LIMK1: variants seen among roughly 807,000 people sequenced by gnomAD.
The protein encoded by LIMK1 is LIM domain kinase 1.
In LIMK1, 21 loss-of-function variants were observed where a neutral mutation model predicts 77.6. That is an observed-to-expected ratio of 0.27 (90% CI 0.19 to 0.39). The LOEUF (loss-of-function observed/expected upper bound fraction) is 0.39, where lower values mean the gene tolerates loss of function less well. Among genes scored for constraint, LIMK1 ranks in the 10% least tolerant of loss-of-function variants. The pLI is 1.00. For synonymous variants in LIMK1, 358 were observed against 370.0 expected (o/e 0.97, Z 0.37); for missense variants, 696 against 901.6 (o/e 0.77, Z 2.92).
intron 2 of LIMK1, among the ~76,000 whole-genome samples, chr7:74,095,128 G>C (rs1415914122): frequency 1.3e-5 from 2 of 152,118 alleles, no homozygotes; most frequent in African/African-American, 2.4e-5. Context: ...CAGGCCCCAG[G>C]CTGTGGAGAG....
At chr7:74,093,059 TC>T (rs1799268200) in intron 2 of LIMK1, 3 of 1,287,204 alleles carry the variant, frequency 2.3e-6, no homozygotes, top group Non-Finnish European at 3.1e-6. Context: ...TTCAGCCACT[TC>T]CTGTTGCAGG....
intron 2 of LIMK1, among the ~76,000 whole-genome samples, chr7:74,091,075 G>A (rs573076835): frequency 3.3e-5 from 5 of 151,530 alleles, no homozygotes; most frequent in African/African-American, 4.8e-5. Flanking sequence ...CACCACACCC[G>A]GCTAATTTTT....
intron 5 of LIMK1, among the ~76,000 whole-genome samples, chr7:74,103,200 T>C (rs1311455932): frequency 6.6e-6 from 1 of 151,980 alleles, no homozygotes; most frequent in African/African-American, 2.4e-5. Flanking sequence ...CTTCATGATC[T>C]TGACATTTTT....
intron 12 of LIMK1, 88 bp downstream of exon 12, chr7:74,112,086 G>A (rs1799711349): frequency 1.9e-6 from 2 of 1,067,300 alleles, no homozygotes; most frequent in African/African-American, 1.6e-5. Flanking sequence ...AGAACTGGAG[G>A]CCCCTCCATG....
rs965643252 is a variant in LIMK1, at chr7:74,099,100, C to T, written c.470C>T (p.Ser157Phe). The change falls in exon 5 of 16, where the codon TCC becomes TTC. Residue 157 changes from serine to phenylalanine, a missense_variant. Transcript: ENST00000336180. ...IEQILPDSPG[S>F]HLPHTVTLVS... ...CAGATCCTGCCTGACTCCCCTGGCT[C>T]CCACCTGCCCCACACCGTCACCCTG... The T allele has an allele frequency of 1.9e-6, 3 of 1,613,632 alleles. No individual in the cohort carries two copies. The highest frequency in any genetic ancestry group is 1.7e-5 in the Admixed American group (1 of 60,006).
chr7:74,099,813 G>A (rs1035136580), intron 5 of LIMK1, among the ~76,000 whole-genome samples: 2 of 151,774 alleles, frequency 1.3e-5, no homozygotes, highest in East Asian at 3.9e-4. Flanking sequence ...GAAAGAGGAG[G>A]AACCAAGTCA....
intron 12 of LIMK1, chr7:74,115,487 T>G (rs1584130882): frequency 6.6e-6 from 2 of 304,582 alleles, no homozygotes; most frequent in Non-Finnish European, 6.1e-6. Context: ...CCCCCGCAGG[T>G]GGGAGGGAGC....
At chr7:74,109,122 A>C in intron 10 of LIMK1, 86 bp downstream of exon 10, 1 of 1,080,268 alleles carries the variant, frequency 9.3e-7, no homozygotes. Flanking sequence ...CATCTCTTCA[A>C]TGGGGGGAAG....
chr7:74,116,867 AATTTTTTT>A (rs1353600342), intron 13 of LIMK1, among the ~76,000 whole-genome samples: 1 of 151,334 alleles, frequency 6.6e-6, no homozygotes, highest in Non-Finnish European at 1.5e-5. Context: ...ACACCCAGCT[AATTTTTTT>A]ATTTTTTATT....
At chr7:74,113,345 G>T (rs1418251327) in intron 12 of LIMK1, among the ~76,000 whole-genome samples, 1 of 151,888 alleles carries the variant, frequency 6.6e-6, no homozygotes. Flanking sequence ...ACAAAACAAG[G>T]TCAGGCACTG....
chr7:74,114,551 CAAA>C (rs547931306), intron 12 of LIMK1, among the ~76,000 whole-genome samples: 5 of 67,216 alleles, frequency 7.4e-5, no homozygotes, highest in Admixed American at 1.7e-4. Flanking sequence ...GACTCTGCCT[CAAA>C]AAAAAAAAAA....
rs577887738 is a variant in LIMK1, at chr7:74,120,446, A to G, written c.1568-137A>G. On this transcript the variant is annotated intron_variant, in intron 13 of 15. Coordinates refer to ENST00000336180, the MANE Select transcript of LIMK1 (RefSeq NM_002314.4). Reference sequence around the variant, plus strand: ...GGAAAGAGCCTAAGCCTGGGTTCCCATAGAGGTTGCCGGCATCTGCCTCCT... The same window carrying G: ...GGAAAGAGCCTAAGCCTGGGTTCCCGTAGAGGTTGCCGGCATCTGCCTCCT... 27 of 846,688 alleles carry G rather than the reference A, an allele frequency of 3.2e-5. 1 individual carries two copies. The highest frequency in any genetic ancestry group is 2.5e-4 in the African/African-American group (15 of 60,314). The allele number at this position is 846,688 out of a possible 1,614,324, so 52.4% of individuals were successfully genotyped here.
At chr7:74,096,493 C>A in intron 2 of LIMK1, 129 bp from the exon 3 acceptor site, 1 of 1,234,294 alleles carries the variant, frequency 8.1e-7, no homozygotes, top group Non-Finnish European at 1.1e-6. Context: ...GAGCAAGACT[C>A]CGTCTCAAAA....
chr7:74,116,633 G>A (rs1364536520), intron 13 of LIMK1, among the ~76,000 whole-genome samples: 1 of 151,570 alleles, frequency 6.6e-6, no homozygotes, highest in Non-Finnish European at 1.5e-5. Context: ...AGGGCTGGCT[G>A]CAAAGCATCT....
At chr7:74,090,125 A>G (rs1554694579) in intron 2 of LIMK1, among the ~76,000 whole-genome samples, 2 of 152,168 alleles carry the variant, frequency 1.3e-5, no homozygotes, top group African/African-American at 4.8e-5. Context: ...CTGTAATCCC[A>G]GCACTTTGGG....
chr7:74,096,843 GTC>G, intron 3 of LIMK1, 83 bp downstream of exon 3: 1 of 1,470,172 alleles, frequency 6.8e-7, no homozygotes, highest in South Asian at 1.4e-5. Flanking sequence ...TCCCATCATT[GTC>G]TCTCCTGGTC....
At chr7:74,097,049 C>A in intron 3 of LIMK1, 31 bp from the exon 4 acceptor site, 1 of 1,532,556 alleles carries the variant, frequency 6.5e-7, no homozygotes, top group Non-Finnish European at 9.0e-7. Flanking sequence ...GTCTGCTGAG[C>A]TGGGCTGTTC....
At chr7:74,115,535 TGGGGAGCA>T (rs1199329136) in intron 12 of LIMK1, 1 of 420,606 alleles carries the variant, frequency 2.4e-6, no homozygotes, top group Non-Finnish European at 4.3e-6. Flanking sequence ...CACGACGGTC[TGGGGAGCA>T]GGTGGGGAGG....
chr7:74,110,511 C>T (rs1262096535), intron 10 of LIMK1: 2 of 152,190 alleles, frequency 1.3e-5, no homozygotes, highest in Admixed American at 6.6e-5. Context: ...TTTTAAAAAC[C>T]TAGAAAGATG....
Sources: allele counts gnomAD v4.1 joint callset (sites outside exome capture counted in the v4.1 genomes callset), GRCh38; gene constraint gnomAD v4.1.1; transcripts MANE v1.5; gene names NCBI Gene and HGNC (gene_info 2026-07-23, HGNC 2026-07-21).